LRP1B: variants seen among roughly 807,000 people sequenced by gnomAD.
The protein encoded by LRP1B is LDL receptor related protein 1B.
In LRP1B, 217 loss-of-function variants were observed where a neutral mutation model predicts 556.6. That is an observed-to-expected ratio of 0.39 (90% CI 0.35 to 0.44). The LOEUF (loss-of-function observed/expected upper bound fraction) is 0.44. Among genes scored for constraint, LRP1B ranks in the 20% least tolerant of loss-of-function variants. The pLI is 1.00. For synonymous variants in LRP1B, 2,047 were observed against 1,865.8 expected (o/e 1.10, Z -2.50); for missense variants, 5,053 against 5,620.8 (o/e 0.90, Z 3.23).
At chr2:141,300,940 T>A (rs1335679028) in intron 3 of LRP1B, among the ~76,000 whole-genome samples, 1 of 152,084 alleles carries the variant, frequency 6.6e-6, no homozygotes, top group Admixed American at 6.5e-5. Flanking sequence ...AAAAGAATAT[T>A]CTACTGGGAG....
intron 11 of LRP1B, among the ~76,000 whole-genome samples, chr2:141,032,500 A>G (rs542725393): frequency 6.6e-6 from 1 of 152,076 alleles, no homozygotes; most frequent in African/African-American, 2.4e-5. Flanking sequence ...ATTACATATT[A>G]TCAATCTTTC....
intron 2 of LRP1B, among the ~76,000 whole-genome samples, chr2:141,805,137 C>T (rs148569806): frequency 6.6e-6 from 1 of 152,214 alleles, no homozygotes; most frequent in Non-Finnish European, 1.5e-5. Context: ...CATTTGCTTT[C>T]TGTGCAATTT....
In LRP1B at chr2:141,408,634, T is replaced by C. The variant is rs1272007716; in HGVS notation, c.343+71762A>G. Among the ~76,000 whole-genome samples the C allele has an allele frequency of 2.6e-5, 4 of 152,088 alleles. No individual in the cohort carries two copies. The East Asian group carries it at 5.8e-4, about 22-fold the overall frequency. The stretch of plus-strand genomic sequence containing the variant: ...ATAAATCTATGGTTTTTCATACTTA[T>C]CAAGTAGTTTTTTATTGATAAATTT... On this transcript the variant is annotated intron_variant, in intron 3 of 90. Transcript: ENST00000389484.
chr2:141,642,702 T>C (rs1208872272), intron 2 of LRP1B, among the ~76,000 whole-genome samples: 1 of 149,230 alleles, frequency 6.7e-6, no homozygotes, highest in African/African-American at 2.5e-5. Flanking sequence ...GAATGTGAGC[T>C]AGAGCACCAT....
At chr2:141,250,250 G>A (rs755886447) in intron 4 of LRP1B, among the ~76,000 whole-genome samples, 6 of 152,168 alleles carry the variant, frequency 3.9e-5, no homozygotes, top group Non-Finnish European at 7.3e-5. Context: ...TGCTAATGAG[G>A]TGACTCAGGG....
chr2:141,158,897 A>G (rs902486011), intron 7 of LRP1B, among the ~76,000 whole-genome samples: 3 of 152,302 alleles, frequency 2.0e-5, no homozygotes, highest in East Asian at 3.9e-4. Flanking sequence ...GGAAGCATCA[A>G]TCTGGAGTTT....
At chr2:141,561,927 G>A (rs1427290277) in intron 2 of LRP1B, among the ~76,000 whole-genome samples, 2 of 151,810 alleles carry the variant, frequency 1.3e-5, no homozygotes, top group Non-Finnish European at 2.9e-5. Context: ...GCCAATAGAA[G>A]TTAACCATCT....
chr2:141,651,693 G>T (rs545479861), intron 2 of LRP1B, among the ~76,000 whole-genome samples: 7 of 152,202 alleles, frequency 4.6e-5, no homozygotes, highest in Non-Finnish European at 8.8e-5. Context: ...ATAAATGCAT[G>T]AGACATATTA....
intron 32 of LRP1B, among the ~76,000 whole-genome samples, chr2:140,811,627 A>T (rs1690928288): frequency 6.6e-6 from 1 of 152,170 alleles, no homozygotes. Context: ...GATGATTTAG[A>T]GACTGTTACA....
intron 84 of LRP1B, among the ~76,000 whole-genome samples, chr2:140,292,230 T>C (rs1683417821): frequency 6.6e-6 from 1 of 152,180 alleles, no homozygotes; most frequent in South Asian, 2.1e-4. Flanking sequence ...TTTGGACTAA[T>C]AGTATTAATC....
intron 76 of LRP1B, among the ~76,000 whole-genome samples, chr2:140,351,990 A>T (rs1231218295): frequency 6.6e-6 from 1 of 152,140 alleles, no homozygotes; most frequent in Non-Finnish European, 1.5e-5. Flanking sequence ...CAAATGCTAT[A>T]GCCCACAGTT....
chr2:141,186,085 A>AAAT, intron 7 of LRP1B, among the ~76,000 whole-genome samples: 1 of 151,108 alleles, frequency 6.6e-6, no homozygotes, highest in East Asian at 2.0e-4. Flanking sequence ...TCTCAAAAAA[A>AAAT]AAAAAAAAAA....
chr2:140,496,695 G>C (rs1688959162), intron 55 of LRP1B, among the ~76,000 whole-genome samples: 1 of 151,956 alleles, frequency 6.6e-6, no homozygotes, highest in Admixed American at 6.6e-5. Context: ...TCCCTGCCAG[G>C]TAGCATGTGA....
At chr2:140,248,187 T>A (rs2104901322) in intron 86 of LRP1B, among the ~76,000 whole-genome samples, 1 of 151,784 alleles carries the variant, frequency 6.6e-6, no homozygotes, top group Non-Finnish European at 1.5e-5. Flanking sequence ...CTATACGAAT[T>A]ATTTGTGATA....
chr2:141,646,384 G>C (rs1198116464), intron 2 of LRP1B, among the ~76,000 whole-genome samples: 1 of 151,890 alleles, frequency 6.6e-6, no homozygotes, highest in Non-Finnish European at 1.5e-5. Flanking sequence ...TCCTCCCATG[G>C]GTAATGTTTC....
intron 2 of LRP1B, among the ~76,000 whole-genome samples, chr2:141,717,129 A>G (rs1692632377): frequency 6.6e-6 from 1 of 152,150 alleles, no homozygotes; most frequent in Non-Finnish European, 1.5e-5. Context: ...AAATGTCAGT[A>G]AAAATTAATC....
chr2:141,006,299 A>G (rs913858517), intron 14 of LRP1B, among the ~76,000 whole-genome samples: 1 of 152,066 alleles, frequency 6.6e-6, no homozygotes, highest in African/African-American at 2.4e-5. Context: ...AACATTCAAT[A>G]TCCACCTTCC....
At chr2:140,417,338 T>C (rs893825900) in intron 66 of LRP1B, among the ~76,000 whole-genome samples, 1 of 152,184 alleles carries the variant, frequency 6.6e-6, no homozygotes, top group Non-Finnish European at 1.5e-5. Context: ...AGGCTGCAGT[T>C]GAAAAGGTGG....
rs189089161 is a variant in LRP1B, at chr2:141,047,684, C to T, written c.1789+1302G>A. Among the ~76,000 whole-genome samples the T allele has an allele frequency of 9.2e-5, 14 of 152,154 alleles. No homozygotes were observed. In the East Asian group the frequency reaches 1.9e-3, roughly 21 times the overall value. ...TTACCTTCAAGGCCCTTTATTTTAG[C>T]GCATTTTAGTGCCTTTCACTTTCGA... On this transcript the variant is annotated intron_variant, in intron 11 of 90. Transcript: ENST00000389484.
Sources: allele counts gnomAD v4.1 joint callset (sites outside exome capture counted in the v4.1 genomes callset), GRCh38; gene constraint gnomAD v4.1.1; transcripts MANE v1.5; gene names NCBI Gene and HGNC (gene_info 2026-07-23, HGNC 2026-07-21).